ASPSCR1: variants seen among roughly 807,000 people sequenced by gnomAD.
ASPSCR1 encodes ASPSCR1 tether for SLC2A4, UBX domain containing, also known as tether containing UBX domain for GLUT4.
A neutral mutation model predicts 68.9 loss-of-function variants in ASPSCR1; 55 were observed. That is an observed-to-expected ratio of 0.80 (90% CI 0.64 to 1.00). The LOEUF (loss-of-function observed/expected upper bound fraction) is 1.00. Among genes scored for constraint, ASPSCR1 ranks in the 50% least tolerant of loss-of-function variants. ASPSCR1 has a pLI of 0.00. For missense variants in ASPSCR1, 765 were observed against 762.2 expected (o/e 1.00, Z -0.04); for synonymous variants, 352 against 332.6 (o/e 1.06, Z -0.63).
In ASPSCR1 at chr17:81,977,783, G is replaced by T. The variant is rs952012190; in HGVS notation, c.102+35G>T. The T allele has an allele frequency of 1.3e-5, 16 of 1,207,580 alleles. No individual in the cohort carries two copies. The highest frequency in any genetic ancestry group is 1.6e-5 in the Non-Finnish European group (16 of 971,042). The allele number at this position is 1,207,580 out of a possible 1,614,324, so 74.8% of individuals were successfully genotyped here. On this transcript the variant is annotated intron_variant, in intron 1 of 15. Transcript: ENST00000306739. The surrounding 1 kb of genome is among the most constrained non-coding windows in gnomAD (Gnocchi z 5.0). ...CCCGCCCGGGGCGGACGGGTAGGCGGGCGGGGGGCGCTGCGCCGAGGCCCC... is the reference window on the plus strand; with the variant it reads ...CCCGCCCGGGGCGGACGGGTAGGCGTGCGGGGGGCGCTGCGCCGAGGCCCC...
chr17:81,985,664 T>C, intron 4 of ASPSCR1, 57 bp downstream of exon 4: 1 of 1,547,902 alleles, frequency 6.5e-7, no homozygotes. Context: ...GAAGCTGCTG[T>C]GGTTACTGGG....
At chr17:82,015,477 CTGTGCGTCCCGTGGGGCAG>C in intron 12 of ASPSCR1, 1 of 1,293,408 alleles carries the variant, frequency 7.7e-7, no homozygotes, top group Non-Finnish European at 1.0e-6. Context: ...CCGCCCCTTT[CTGTGCGTCCCGTGGGGCAG>C]TGCTGGTTGG....
At chr17:81,997,879 T>C (rs1470382531) in intron 7 of ASPSCR1, among the ~76,000 whole-genome samples, 5 of 146,628 alleles carry the variant, frequency 3.4e-5, no homozygotes, top group East Asian at 2.0e-4. Context: ...CAGGCTGGAG[T>C]GTGGTGGCGC....
intron 10 of ASPSCR1, among the ~76,000 whole-genome samples, 192 bp from the exon 11 acceptor site, chr17:82,011,351 C>G (rs918090405): frequency 6.6e-6 from 1 of 151,576 alleles, no homozygotes; most frequent in Non-Finnish European, 1.5e-5. Context: ...TCCAGCAGGG[C>G]GGGGGTCCCA....
chr17:81,999,369 G>A lies in ASPSCR1; in HGVS notation c.933+2523G>A, dbSNP rs2042454062. 6.6e-6 allele frequency among the ~76,000 whole-genome samples: 1 copy of A among 152,236 alleles called. No homozygotes were observed. The highest frequency in any genetic ancestry group is 2.4e-5 in the African/African-American group (1 of 41,472). On this transcript the variant is annotated intron_variant, in intron 7 of 15. Coordinates refer to ENST00000306739, the MANE Select transcript of ASPSCR1 (RefSeq NM_024083.4). The surrounding 1 kb of genome is among the most constrained non-coding windows in gnomAD (Gnocchi z 4.4). ...GCCTGTGGCATGGTGGCTCACACCT[G>A]TAATCCCAGCAGTTTGGGAGACCGA...
intron 4 of ASPSCR1, among the ~76,000 whole-genome samples, chr17:81,992,535 G>T (rs1230941323): frequency 6.6e-6 from 1 of 152,172 alleles, no homozygotes; most frequent in Non-Finnish European, 1.5e-5. Context: ...CTCAGCCCAG[G>T]CCTCCCCAGC....
At chr17:81,994,932 CA>C in intron 5 of ASPSCR1, 54 bp downstream of exon 5, 1 of 1,542,644 alleles carries the variant, frequency 6.5e-7, no homozygotes, top group Non-Finnish European at 8.8e-7. Flanking sequence ...GCCCACTTTC[CA>C]ACTGGAAAAT....
Position 81,995,977 on chromosome 17 carries a change from C to T in ASPSCR1, c.433-15C>T, listed in dbSNP as rs1039249733. 2 of 1,607,162 alleles carry T rather than the reference C, an allele frequency of 1.2e-6. No homozygotes were observed. Among genetic ancestry groups the T allele is most frequent in the Non-Finnish European group, 1.7e-6 (2 of 1,177,996 alleles). On this transcript the variant is annotated splice_polypyrimidine_tract_variant and intron_variant, in intron 5 of 15. Transcript: ENST00000306739. ...CCGGTGCAAGGCGCACCTGTCCTGGCTGCTCCTCCTGCAGGTGACGGGTGA... is the reference window on the plus strand; with the variant it reads ...CCGGTGCAAGGCGCACCTGTCCTGGTTGCTCCTCCTGCAGGTGACGGGTGA...
chr17:82,016,143 C>T (rs748424534), intron 12 of ASPSCR1: 20 of 346,222 alleles, frequency 5.8e-5, no homozygotes, highest in Non-Finnish European at 8.5e-5. Context: ...CGCCAGGACC[C>T]GCCACGCCTG....
chr17:81,998,802 T>A (rs2042437263), intron 7 of ASPSCR1, among the ~76,000 whole-genome samples: 1 of 152,078 alleles, frequency 6.6e-6, no homozygotes, highest in Non-Finnish European at 1.5e-5. Flanking sequence ...GTTCTGGAAG[T>A]TCTCCGAAGG....
At chr17:81,996,210 C>T in intron 6 of ASPSCR1, 145 bp downstream of exon 6, 1 of 1,332,400 alleles carries the variant, frequency 7.5e-7, no homozygotes, top group Non-Finnish European at 1.0e-6. Context: ...CCTCTGCCTG[C>T]CTGTGGGCGT....
At chr17:81,993,202 T>G (rs1041033889) in intron 4 of ASPSCR1, among the ~76,000 whole-genome samples, 1 of 151,980 alleles carries the variant, frequency 6.6e-6, no homozygotes, top group Non-Finnish European at 1.5e-5. Context: ...CCTGCCCTTT[T>G]TTTTGTTTTG....
intron 12 of ASPSCR1, 47 bp from the exon 13 acceptor site, chr17:82,016,429 G>C: frequency 6.6e-7 from 1 of 1,515,056 alleles, no homozygotes; most frequent in Non-Finnish European, 8.9e-7. Flanking sequence ...ACAGCAGGGG[G>C]GTGCTCTGCC....
At chr17:81,995,570 G>A (rs918383048) in intron 5 of ASPSCR1, 9 of 354,014 alleles carry the variant, frequency 2.5e-5, no homozygotes, top group Non-Finnish European at 4.2e-5. Context: ...CGTATGGGAC[G>A]TGGCCAGCCA....
At chr17:81,980,230 C>T (rs2041753892) in intron 2 of ASPSCR1, among the ~76,000 whole-genome samples, 1 of 152,242 alleles carries the variant, frequency 6.6e-6, no homozygotes, top group African/African-American at 2.4e-5. Flanking sequence ...ATCCGCCTGC[C>T]TTGGCCTCCC....
chr17:82,010,084 G>GTTTT, intron 9 of ASPSCR1: 3 of 251,544 alleles, frequency 1.2e-5, no homozygotes, highest in Non-Finnish European at 2.3e-5. Flanking sequence ...GCTAATTTTT[G>GTTTT]TTGTTTTTTT....
At chr17:82,015,350 A>G (rs535384652) in intron 12 of ASPSCR1, 1 of 1,596,824 alleles carries the variant, frequency 6.3e-7, no homozygotes, top group South Asian at 1.1e-5. Context: ...ACGTGGGGAC[A>G]GGCCGGGTAG....
At chr17:81,985,632 C>T (rs758545012) in intron 4 of ASPSCR1, 25 bp downstream of exon 4, 2 of 1,597,348 alleles carry the variant, frequency 1.3e-6, no homozygotes, top group Admixed American at 1.7e-5. Flanking sequence ...GCTGGGGGCT[C>T]TTCCCTACCC....
intron 7 of ASPSCR1, 101 bp downstream of exon 7, chr17:81,996,947 C>T (rs368133960): frequency 1.3e-5 from 19 of 1,505,880 alleles, no homozygotes; most frequent in South Asian, 5.5e-5. Context: ...GGCCGTGATG[C>T]GGGCAGAGGA....
Sources: gnomAD v4.1 joint callset for allele counts (sites outside exome capture counted in the v4.1 genomes callset) on GRCh38, gnomAD v4.1.1 for gene constraint, Gnocchi (gnomAD v3.1) non-coding constraint, MANE v1.5 for transcripts, NCBI Gene and HGNC (gene_info 2026-07-23, HGNC 2026-07-21) for gene names.